EIF2B3: variants seen among roughly 807,000 people sequenced by gnomAD.
EIF2B3 encodes the protein eukaryotic translation initiation factor 2B subunit gamma.
A neutral mutation model predicts 54.1 loss-of-function variants in EIF2B3; 20 were observed. That is an observed-to-expected ratio of 0.37 (90% CI 0.26 to 0.54). The LOEUF (loss-of-function observed/expected upper bound fraction) is 0.54, where lower values mean the gene tolerates loss of function less well. EIF2B3 is among the 20% of genes least tolerant of loss of function. EIF2B3 has a pLI of 0.86. For synonymous variants in EIF2B3, 153 were observed against 188.1 expected (o/e 0.81, Z 1.52); for missense variants, 448 against 547.8 (o/e 0.82, Z 1.82).
intron 11 of EIF2B3, among the ~76,000 whole-genome samples, chr1:44,851,720 G>A (rs6692487): frequency 0.18 from 28,111 of 152,020 alleles, 2,849 homozygotes; most frequent in Admixed American, 0.28. Flanking sequence ...AAGGATAAAC[G>A]GAGATAAGAA....
chr1:44,981,529 C>T (rs1644512446), intron 1 of EIF2B3, among the ~76,000 whole-genome samples: 1 of 152,184 alleles, frequency 6.6e-6, no homozygotes, highest in Admixed American at 6.5e-5. Context: ...ATAAAAGGAA[C>T]ACCTAGTTTT....
intron 1 of EIF2B3, among the ~76,000 whole-genome samples, chr1:44,984,963 C>A (rs986548564): frequency 6.7e-6 from 1 of 149,914 alleles, no homozygotes; most frequent in African/African-American, 2.5e-5. Context: ...CCCGCCACCG[C>A]GCCCGGCTAA....
chr1:44,959,746 T>C (rs963121472), intron 3 of EIF2B3, among the ~76,000 whole-genome samples: 5 of 152,228 alleles, frequency 3.3e-5, no homozygotes, highest in African/African-American at 1.2e-4. Context: ...CTGTTCCTAT[T>C]AATTAAAGCA....
intron 3 of EIF2B3, among the ~76,000 whole-genome samples, chr1:44,951,954 A>AATTTTTTTTTTTTTTTTTTTTT (rs1644166853): frequency 2.2e-5 from 1 of 44,672 alleles, no homozygotes; most frequent in African/African-American, 1.4e-4. Flanking sequence ...TGCCTGGCTA[A>AATTTTTTTTTTTTTTTTTTTTT]TTTTTTTTTT....
At chr1:44,935,993 A>G (rs1313941196) in intron 4 of EIF2B3, among the ~76,000 whole-genome samples, 2 of 150,840 alleles carry the variant, frequency 1.3e-5, no homozygotes, top group Non-Finnish European at 2.9e-5. Flanking sequence ...AGGAGTTGGC[A>G]TAATACATAC....
chr1:44,908,364 C>T (rs1643453744), intron 5 of EIF2B3, among the ~76,000 whole-genome samples: 1 of 152,180 alleles, frequency 6.6e-6, no homozygotes, highest in African/African-American at 2.4e-5. Context: ...AAGCACGGTT[C>T]TGCCTATGAC....
chr1:44,973,027 C>T (rs1343703764), intron 3 of EIF2B3, among the ~76,000 whole-genome samples: 10 of 151,940 alleles, frequency 6.6e-5, no homozygotes, highest in African/African-American at 2.4e-4. Context: ...GATGTCAGAA[C>T]GAAATCCTGT....
At chr1:44,978,548 T>C in intron 2 of EIF2B3, 88 bp from the exon 3 acceptor site, 1 of 1,411,394 alleles carries the variant, frequency 7.1e-7, no homozygotes, top group Admixed American at 1.8e-5. Context: ...TTGGTCTATT[T>C]CTAGGTGTAA....
intron 9 of EIF2B3, 26 bp downstream of exon 9, chr1:44,875,592 C>A: frequency 6.2e-7 from 1 of 1,609,572 alleles, no homozygotes; most frequent in Non-Finnish European, 8.5e-7. Context: ...ACATCTCATG[C>A]CCGTCCTGGC....
At chr1:44,968,545 A>T (rs1644368449) in intron 3 of EIF2B3, among the ~76,000 whole-genome samples, 1 of 152,192 alleles carries the variant, frequency 6.6e-6, no homozygotes, top group Non-Finnish European at 1.5e-5. Flanking sequence ...CATAAGGGAA[A>T]GAAAAACAGA....
intron 3 of EIF2B3, among the ~76,000 whole-genome samples, chr1:44,946,701 G>C (rs999454036): frequency 6.7e-6 from 1 of 148,582 alleles, no homozygotes; most frequent in Non-Finnish European, 1.5e-5. Context: ...AGGCTCAAGT[G>C]ATCTTCCTGT....
At chr1:44,867,885 A>C (rs1169223443) in intron 10 of EIF2B3, among the ~76,000 whole-genome samples, 1 of 151,898 alleles carries the variant, frequency 6.6e-6, no homozygotes, top group Non-Finnish European at 1.5e-5. Context: ...AAAAAAAAAA[A>C]AAAAATTTGC....
intron 4 of EIF2B3, among the ~76,000 whole-genome samples, chr1:44,935,738 T>C (rs917159994): frequency 6.6e-6 from 1 of 152,164 alleles, no homozygotes; most frequent in Non-Finnish European, 1.5e-5. Context: ...TGACCTCAAA[T>C]GATCCTCCCA....
At chr1:44,909,153 AAG>A (rs1027947589) in intron 5 of EIF2B3, among the ~76,000 whole-genome samples, 4 of 151,860 alleles carry the variant, frequency 2.6e-5, no homozygotes, top group East Asian at 3.9e-4. Flanking sequence ...GAGGGGGGAA[AAG>A]AGAGAGAGAG....
chr1:44,957,025 G>C (rs264006), intron 3 of EIF2B3, among the ~76,000 whole-genome samples: 28,613 of 152,182 alleles, frequency 0.19, 2,851 homozygotes, highest in African/African-American at 0.23. Context: ...CATTTTGAGA[G>C]ACCAAGGTGG....
chr1:44,890,348 T>G (rs1359696553), intron 6 of EIF2B3, among the ~76,000 whole-genome samples: 1 of 152,216 alleles, frequency 6.6e-6, no homozygotes, highest in Non-Finnish European at 1.5e-5. Context: ...TGGATCTTCT[T>G]CTGTCTGTCT....
intron 8 of EIF2B3, among the ~76,000 whole-genome samples, chr1:44,876,583 C>T (rs1276023905): frequency 1.5e-4 from 2 of 13,102 alleles, no homozygotes; most frequent in Non-Finnish European, 1.3e-4. Flanking sequence ...TGGGGGTCAG[C>T]CCCCCACCCG....
At chr1:44,976,744 T>C (rs1197526864) in intron 3 of EIF2B3, among the ~76,000 whole-genome samples, 1 of 152,196 alleles carries the variant, frequency 6.6e-6, no homozygotes, top group African/African-American at 2.4e-5. Context: ...AGTTATACTT[T>C]CAATAACATG....
chr1:44,948,623 G>C (rs1638634121), intron 3 of EIF2B3, among the ~76,000 whole-genome samples: 2 of 151,834 alleles, frequency 1.3e-5, no homozygotes, highest in African/African-American at 4.8e-5. Context: ...CATTTAAAAA[G>C]GAATAAATAA....
Sources: allele counts gnomAD v4.1 joint callset (sites outside exome capture counted in the v4.1 genomes callset), GRCh38; gene constraint gnomAD v4.1.1; transcripts MANE v1.5; gene names NCBI Gene and HGNC (gene_info 2026-07-23, HGNC 2026-07-21).